The following XG variants were observed in gnomAD, a reference collection of about 807,000 sequenced individuals.
XG encodes Xg glycoprotein (Xg blood group).
XG carries 24 observed loss-of-function variants against 25.7 expected under a neutral mutation model. The observed-to-expected ratio is 0.93, with a 90% CI of 0.68 to 1.31. The LOEUF is 1.31. Among genes scored for constraint, XG ranks in the 40% most tolerant of loss-of-function variants. XG has a pLI of 0.00. For synonymous variants in XG, 77 were observed against 69.2 expected (o/e 1.11, Z -0.56); for missense variants, 181 against 187.6 (o/e 0.96, Z 0.21).
intron 10 of XG, among the ~76,000 whole-genome samples, chrX:2,811,847 T>C (rs1459075346): frequency 5.4e-5 from 6 of 111,485 alleles, no homozygotes; most frequent in Admixed American, 9.6e-5. Context: ...CTGCCCGCCT[T>C]GGCCTCCCAA....
At chrX:2,782,274 G>T in intron 4 of XG, 146 bp downstream of exon 4, 2 of 673,916 alleles carry the variant, frequency 3.0e-6, no homozygotes, top group Admixed American at 2.9e-5. Context: ...CCTCACTGGG[G>T]GGAGCAAGAA....
rs1302436525 is a variant in XG, at chrX:2,808,529, T to G, written c.454+309T>G. 6.6e-6 allele frequency: 5 copies of G among 753,194 alleles called. No homozygotes were observed. In the East Asian group the frequency reaches 4.5e-4, roughly 68 times the overall value. The allele number at this position is 753,194 out of a possible 1,213,427, so 62.1% of individuals were successfully genotyped here. ...CTCCCAGTACCACCATTACTCCCCT[T>G]TCTTTGACCAGCACTAACTTGAAAC... is the stretch of plus-strand genomic sequence containing the variant. On this transcript the variant is annotated intron_variant, in intron 9 of 10. Coordinates refer to ENST00000644266, the MANE Select transcript of XG (RefSeq NM_001141919.2).
intron 10 of XG, 97 bp downstream of exon 10, chrX:2,811,549 G>C (rs2087056846): frequency 1.6e-6 from 1 of 617,418 alleles, no homozygotes; most frequent in South Asian, 3.4e-5. Context: ...GTTATTTCTG[G>C]TTAAGTTCAA....
intron 6 of XG, among the ~76,000 whole-genome samples, chrX:2,796,650 C>G (rs1425452483): frequency 1.8e-5 from 2 of 111,512 alleles, no homozygotes; most frequent in Non-Finnish European, 3.8e-5. Context: ...GAGATGCATA[C>G]AACATTGGGC....
intron 5 of XG, among the ~76,000 whole-genome samples, chrX:2,793,520 GTTA>G (rs1325401598): frequency 8.9e-6 from 1 of 112,197 alleles, no homozygotes; most frequent in African/African-American, 3.2e-5. Flanking sequence ...GCAGCCTTGG[GTTA>G]TTGAGAAAGC....
chrX:2,775,967 AAAAAAG>A (rs371481341), intron 3 of XG, among the ~76,000 whole-genome samples: 60,238 of 106,398 alleles, frequency 0.57, 16,081 homozygotes, highest in East Asian at 0.84. Flanking sequence ...AAAAAAAAAA[AAAAAAG>A]AAAAGAAAAG....
chrX:2,781,095 A>C (rs1391073610), intron 3 of XG, among the ~76,000 whole-genome samples: 2 of 152,066 alleles, frequency 1.3e-5, no homozygotes, highest in Non-Finnish European at 2.9e-5. Context: ...ACAGGCCCCC[A>C]CAACACCTGT....
chrX:2,767,737 C>A (rs2050731398), intron 1 of XG, among the ~76,000 whole-genome samples: 2 of 152,122 alleles, frequency 1.3e-5, no homozygotes, highest in South Asian at 4.2e-4. Context: ...GGGGGCCCTG[C>A]CTGGGAGATA....
chrX:2,812,232 C>T (rs762749541), intron 10 of XG, among the ~76,000 whole-genome samples: 2 of 111,454 alleles, frequency 1.8e-5, no homozygotes, highest in South Asian at 7.7e-4. Flanking sequence ...AAGGTGCGCT[C>T]AGACCATAGG....
chrX:2,791,569 G>A (rs1323115129), intron 5 of XG, among the ~76,000 whole-genome samples: 1 of 109,637 alleles, frequency 9.1e-6, no homozygotes, highest in African/African-American at 3.3e-5. Context: ...CCCCCAGGAG[G>A]TGGTTCCTCC....
chrX:2,783,969 G>C (rs994455264), intron 4 of XG, among the ~76,000 whole-genome samples: 5 of 110,917 alleles, frequency 4.5e-5, no homozygotes, highest in Non-Finnish European at 7.5e-5. Context: ...ATGAGATTCT[G>C]TCTCGAAAAA....
intron 7 of XG, 67 bp downstream of exon 7, chrX:2,797,427 G>A (rs1257196010): frequency 1.5e-5 from 17 of 1,123,357 alleles, no homozygotes; most frequent in Non-Finnish European, 2.1e-5. Flanking sequence ...TAGGGCTCCC[G>A]CTTGCACTCT....
intron 3 of XG, 39 bp from the exon 4 acceptor site, chrX:2,782,027 A>G: frequency 4.2e-6 from 5 of 1,190,469 alleles, no homozygotes; most frequent in Admixed American, 2.2e-5. Flanking sequence ...GGGAAGGACA[A>G]TTTTCTTTTC....
chrX:2,811,262 A>C, intron 9 of XG, 74 bp from the exon 10 acceptor site: 2 of 854,520 alleles, frequency 2.3e-6, no homozygotes, highest in Non-Finnish European at 3.4e-6. Flanking sequence ...TTTTGGACCA[A>C]CCTAATATTT....
intron 3 of XG, among the ~76,000 whole-genome samples, chrX:2,780,372 G>A (rs1433009124): frequency 3.5e-5 from 5 of 141,734 alleles, no homozygotes; most frequent in Admixed American, 7.1e-5. Flanking sequence ...GCCAATTTAA[G>A]CCACTATTTA....
intron 4 of XG, 87 bp downstream of exon 4, chrX:2,782,215 A>C: frequency 9.6e-7 from 1 of 1,037,023 alleles, no homozygotes; most frequent in Non-Finnish European, 1.3e-6. Context: ...GCCTGGTTGC[A>C]TTTGAAATAT....
At chrX:2,803,983 C>T (rs1354732490) in intron 7 of XG, among the ~76,000 whole-genome samples, 3 of 110,677 alleles carry the variant, frequency 2.7e-5, no homozygotes, top group Admixed American at 9.6e-5. Flanking sequence ...ACTGGGACTA[C>T]GGGCACATGT....
At chrX:2,788,397 C>T (rs1404859003) in intron 4 of XG, among the ~76,000 whole-genome samples, 1 of 112,244 alleles carries the variant, frequency 8.9e-6, no homozygotes, top group African/African-American at 3.2e-5. Flanking sequence ...TATTTCATTT[C>T]GGCTTCTTGA....
At chrX:2,804,449 A>C (rs2086974371) in intron 7 of XG, among the ~76,000 whole-genome samples, 1 of 111,491 alleles carries the variant, frequency 9.0e-6, no homozygotes, top group South Asian at 3.8e-4. Flanking sequence ...AACTGGGCTC[A>C]AGCGATCCTC....
Sources: gnomAD v4.1 joint callset for allele counts (sites outside exome capture counted in the v4.1 genomes callset) on GRCh38, gnomAD v4.1.1 for gene constraint, MANE v1.5 for transcripts, NCBI Gene and HGNC (gene_info 2026-07-23, HGNC 2026-07-21) for gene names.